Variants in MACROD2 observed in about 807,000 individuals in gnomAD.
MACROD2 encodes the protein ADP-ribose glycohydrolase MACROD2.
MACROD2 carries 36 observed loss-of-function variants against 70.4 expected under a neutral mutation model. That is an observed-to-expected ratio of 0.51 (90% CI 0.39 to 0.68). MACROD2 has a LOEUF of 0.68. Ranked by LOEUF, MACROD2 falls within the 30% of genes least tolerant of loss-of-function variation. The pLI, the probability that MACROD2 is intolerant of heterozygous loss-of-function variation, is 0.00. For synonymous variants in MACROD2, 172 were observed against 178.8 expected (o/e 0.96, Z 0.30); for missense variants, 496 against 538.4 (o/e 0.92, Z 0.78).
intron 5 of MACROD2, among the ~76,000 whole-genome samples, chr20:15,168,923 T>A (rs1386855920): frequency 6.6e-6 from 1 of 152,202 alleles, no homozygotes; most frequent in African/African-American, 2.4e-5. Flanking sequence ...AAATATCATA[T>A]GATTCTACTA....
chr20:15,994,227 C>A (rs1050000840), intron 15 of MACROD2, among the ~76,000 whole-genome samples: 7 of 152,108 alleles, frequency 4.6e-5, no homozygotes, highest in Non-Finnish European at 1.0e-4. Context: ...GCAAGTACTG[C>A]TATTCTACAT....
chr20:15,719,759 C>T (rs960299230), intron 8 of MACROD2, among the ~76,000 whole-genome samples: 3 of 152,086 alleles, frequency 2.0e-5, no homozygotes, highest in Non-Finnish European at 4.4e-5. Flanking sequence ...GGGTAATTAG[C>T]ATATCCATCA....
intron 5 of MACROD2, among the ~76,000 whole-genome samples, chr20:14,700,975 T>C (rs1027978535): frequency 2.0e-5 from 3 of 152,072 alleles, no homozygotes; most frequent in African/African-American, 4.8e-5. Flanking sequence ...GCCAAGACTA[T>C]AGAGACCCCC....
At chr20:15,663,872 G>T (rs2049859078) in intron 8 of MACROD2, among the ~76,000 whole-genome samples, 1 of 152,132 alleles carries the variant, frequency 6.6e-6, no homozygotes, top group African/African-American at 2.4e-5. Context: ...TGCAAAAACA[G>T]AAGTCGGGCA....
chr20:14,065,834 A>G (rs2053748655), intron 2 of MACROD2, among the ~76,000 whole-genome samples: 1 of 152,202 alleles, frequency 6.6e-6, no homozygotes, highest in African/African-American at 2.4e-5. Flanking sequence ...TGGTACATGC[A>G]TAGCTATAAC....
chr20:15,525,289 C>A (rs1296102174), intron 8 of MACROD2, among the ~76,000 whole-genome samples: 1 of 152,058 alleles, frequency 6.6e-6, no homozygotes, highest in Non-Finnish European at 1.5e-5. Context: ...ACTAAGAGCC[C>A]CAAGGAAAGG....
chr20:15,285,474 G>A (rs927556480), intron 6 of MACROD2, among the ~76,000 whole-genome samples: 1 of 152,026 alleles, frequency 6.6e-6, no homozygotes, highest in Non-Finnish European at 1.5e-5. Flanking sequence ...AATCAATCTT[G>A]GACACATGCA....
rs73899256 is a variant in MACROD2, at chr20:14,702,021, T to A, written c.418+17062T>A. On this transcript the variant is annotated intron_variant, in intron 5 of 17. Transcript: ENST00000684519. ...GTCTCTCTCTATAGCTCTGCACTTA[T>A]AAATAAGATTTCCTCTCATCCCTAG... Among the ~76,000 whole-genome samples the A allele has an allele frequency of 4.8e-3, 725 of 152,308 alleles. 7 individuals are homozygous for A. Among genetic ancestry groups the A allele is most frequent in the African/African-American group, 0.017 (693 of 41,566 alleles).
intron 2 of MACROD2, among the ~76,000 whole-genome samples, chr20:14,016,680 G>A (rs187901626): frequency 3.2e-4 from 48 of 152,114 alleles, no homozygotes; most frequent in African/African-American, 1.0e-3. Context: ...CTTGGCACTC[G>A]TGTTGAAAAT....
At chr20:15,065,654 CAAA>C (rs554222351) in intron 5 of MACROD2, among the ~76,000 whole-genome samples, 18 of 94,956 alleles carry the variant, frequency 1.9e-4, no homozygotes, top group South Asian at 3.2e-4. Flanking sequence ...ACTCCGTCTC[CAAA>C]AAAAAAAAAA....
At chr20:15,564,283 G>A (rs571028832) in intron 8 of MACROD2, among the ~76,000 whole-genome samples, 239 of 152,238 alleles carry the variant, frequency 1.6e-3, no homozygotes, top group South Asian at 3.5e-3. Flanking sequence ...TATGCTACCC[G>A]ACGTAACACT....
At chr20:15,457,864 CT>C (rs747595627) in intron 7 of MACROD2, among the ~76,000 whole-genome samples, 10 of 151,412 alleles carry the variant, frequency 6.6e-5, no homozygotes, top group Non-Finnish European at 1.5e-4. Flanking sequence ...ATGATTTCAT[CT>C]CCGTGAACTG....
intron 1 of MACROD2, among the ~76,000 whole-genome samples, chr20:14,001,673 G>A (rs6110125): frequency 1.3e-5 from 2 of 152,090 alleles, no homozygotes; most frequent in Admixed American, 1.3e-4. Context: ...GCATCTGTTA[G>A]GTCTTCTGGG....
chr20:15,408,499 G>A (rs979055651), intron 6 of MACROD2, among the ~76,000 whole-genome samples: 6 of 152,176 alleles, frequency 3.9e-5, no homozygotes, highest in African/African-American at 1.4e-4. Flanking sequence ...AAAGTCACAT[G>A]TTCTCTTCTT....
At chr20:15,911,383 CAAT>C (rs2065235104) in intron 10 of MACROD2, among the ~76,000 whole-genome samples, 1 of 152,126 alleles carries the variant, frequency 6.6e-6, no homozygotes, top group African/African-American at 2.4e-5. Flanking sequence ...TAAAGACAGA[CAAT>C]AAGAGTTAGG....
chr20:14,988,199 A>G (rs906855633), intron 5 of MACROD2, among the ~76,000 whole-genome samples: 11 of 152,082 alleles, frequency 7.2e-5, no homozygotes, highest in African/African-American at 2.7e-4. Flanking sequence ...TCCCGTCTCT[A>G]CAAAAAATAC....
intron 3 of MACROD2, among the ~76,000 whole-genome samples, chr20:14,098,854 A>G (rs1278177045): frequency 6.6e-6 from 1 of 152,228 alleles, no homozygotes; most frequent in East Asian, 1.9e-4. Context: ...GACTTTTCAC[A>G]AAGTTTTTGT....
At chr20:15,413,695 G>T (rs997084850) in intron 6 of MACROD2, among the ~76,000 whole-genome samples, 2 of 152,190 alleles carry the variant, frequency 1.3e-5, no homozygotes, top group African/African-American at 4.8e-5. Context: ...AAATTCATAT[G>T]TTTGTGGGAT....
chr20:14,739,243 TAAAC>T (rs1179411017), intron 5 of MACROD2, among the ~76,000 whole-genome samples: 1 of 151,946 alleles, frequency 6.6e-6, no homozygotes, highest in Non-Finnish European at 1.5e-5. Context: ...TATGCAACCA[TAAAC>T]AAAAGAATGA....
Sources: gnomAD v4.1 joint callset for allele counts (sites outside exome capture counted in the v4.1 genomes callset) on GRCh38, gnomAD v4.1.1 for gene constraint, MANE v1.5 for transcripts, NCBI Gene and HGNC (gene_info 2026-07-23, HGNC 2026-07-21) for gene names.